OLFML2B: variants seen among roughly 807,000 people sequenced by gnomAD.
OLFML2B encodes olfactomedin like 2B, also known as olfactomedin-like protein 2B.
A neutral mutation model predicts 74.9 loss-of-function variants in OLFML2B; 57 were observed. The observed-to-expected ratio is 0.76, with a 90% CI of 0.61 to 0.95. The LOEUF is 0.95. Ranked by LOEUF, OLFML2B falls within the 40% of genes least tolerant of loss-of-function variation. OLFML2B has a pLI of 0.00. For synonymous variants in OLFML2B, 388 were observed against 405.8 expected (o/e 0.96, Z 0.53); for missense variants, 986 against 970.6 (o/e 1.02, Z -0.21).
intron 4 of OLFML2B, among the ~76,000 whole-genome samples, chr1:162,002,824 C>T (rs1474661552): frequency 1.3e-5 from 2 of 152,218 alleles, no homozygotes; most frequent in Non-Finnish European, 1.5e-5. Flanking sequence ...CCCTCAATTC[C>T]CTGTTCTTGC....
At chr1:162,010,051 G>A (rs6674320) in intron 3 of OLFML2B, among the ~76,000 whole-genome samples, 86,773 of 152,174 alleles carry the variant, frequency 0.57, 29,676 homozygotes, top group Non-Finnish European at 0.75. Flanking sequence ...GGTGGGAATC[G>A]TGCCTATCTG....
chr1:162,008,780 G>A (rs1464278247), intron 3 of OLFML2B, among the ~76,000 whole-genome samples: 3 of 152,160 alleles, frequency 2.0e-5, no homozygotes, highest in African/African-American at 7.2e-5. Flanking sequence ...GAGAAGCACC[G>A]CCCTAAGTGG....
intron 4 of OLFML2B, among the ~76,000 whole-genome samples, chr1:162,004,886 G>A (rs913684748): frequency 2.0e-5 from 3 of 152,204 alleles, no homozygotes; most frequent in Admixed American, 6.5e-5. Flanking sequence ...CACTCCCTGG[G>A]CACCAGTGTG....
chr1:162,022,260 T>TTTTTTTTTGTTTTTTTC (rs1690730598), intron 1 of OLFML2B, among the ~76,000 whole-genome samples: 1 of 127,826 alleles, frequency 7.8e-6, no homozygotes, highest in Non-Finnish European at 1.7e-5. Context: ...TTTTTTTTTT[T>TTTTTTTTTGTTTTTTTC]TTTTTTTTGA....
Position 162,006,468 on chromosome 1 carries a change from CACTT to C in OLFML2B, c.548_551del (p.Glu183GlyfsTer23). 6.6e-7 allele frequency: 1 copy of C among 1,520,698 alleles called. No individual in the cohort carries two copies. Among genetic ancestry groups the C allele is most frequent in the Non-Finnish European group, 8.7e-7 (1 of 1,143,044 alleles). 94.2% of individuals were successfully genotyped at this position (1,520,698 alleles called of 1,614,324 possible). On this transcript the variant is annotated frameshift_variant and splice_region_variant, in exon 4 of 8. Coordinates refer to ENST00000294794, the MANE Select transcript of OLFML2B (RefSeq NM_015441.3). LOFTEE classifies it high-confidence loss of function. Reference sequence around the variant, plus strand: ...CATTTTCCTTGGTGAGGTTTTTAGACACTTCCTGAGAAGGAAAAAAAAAAGATGA... The same window carrying C: ...CATTTTCCTTGGTGAGGTTTTTAGACCCTGAGAAGGAAAAAAAAAAGATGA...
intron 5 of OLFML2B, 135 bp downstream of exon 5, chr1:161,999,978 T>A (rs991873817): frequency 1.4e-6 from 1 of 704,124 alleles, no homozygotes; most frequent in African/African-American, 1.8e-5. Context: ...GAGCTCTGGA[T>A]AACAGGGCCA....
chr1:161,995,056 G>C (rs779687597), intron 6 of OLFML2B, among the ~76,000 whole-genome samples: 3 of 152,100 alleles, frequency 2.0e-5, no homozygotes, highest in African/African-American at 7.3e-5. Context: ...ATCACATCAC[G>C]GTCTTTCTTG....
rs141316615 is a variant in OLFML2B at position 161,997,836 on chromosome 1, C to T, written c.1463G>A (p.Arg488Gln). ...TLSPEEEDDIRNVIGRCKDTL... is the reference protein window; with the variant it reads ...TLSPEEEDDIQNVIGRCKDTL... ...TACAATGAACTTACCTATGACATTC[C>T]GGATGTCATCTTCTTCTTCGGGGCT... Residue 488 changes from arginine (R) to glutamine (Q), a missense_variant, in exon 6 of 8, where the codon CGG becomes CAG. Coordinates refer to ENST00000294794, the MANE Select transcript of OLFML2B (RefSeq NM_015441.3). The T allele has an allele frequency of 4.1e-5, 66 of 1,612,318 alleles. No individual in the cohort carries two copies. In the Admixed American group the frequency reaches 4.5e-4, roughly 11 times the overall value.
At chr1:161,999,600 G>A (rs1434625098) in intron 5 of OLFML2B, among the ~76,000 whole-genome samples, 1 of 152,106 alleles carries the variant, frequency 6.6e-6, no homozygotes, top group Non-Finnish European at 1.5e-5. Flanking sequence ...AGGAGGAGGA[G>A]GCGAGGAGGA....
intron 4 of OLFML2B, among the ~76,000 whole-genome samples, chr1:162,002,410 A>T (rs1201893367): frequency 6.6e-6 from 1 of 152,130 alleles, no homozygotes; most frequent in Non-Finnish European, 1.5e-5. Context: ...TGGAAACAAA[A>T]CCTGTGTTCC....
chr1:162,018,228 C>T (rs971265101), intron 2 of OLFML2B, among the ~76,000 whole-genome samples: 3 of 152,098 alleles, frequency 2.0e-5, no homozygotes, highest in Admixed American at 6.6e-5. Flanking sequence ...CAACAAACTC[C>T]CATGACGTGA....
chr1:161,983,810 T>C lies in OLFML2B; in HGVS notation c.2118A>G (p.Thr706=), dbSNP rs1446345311. The C allele has an allele frequency of 1.9e-6, 3 of 1,613,912 alleles. No homozygotes were observed. In the African/African-American group the frequency reaches 4.0e-5, roughly 22 times the overall value. ...ISYAFDTHTN[T]QIVPRLLFEN... ...CGAACAGCAGCCTGGGGACGATCTG[T>C]GTGTTGGTGTGGGTGTCGAAAGCGT... The change falls in exon 8 of 8, where the codon ACA becomes ACG. Residue 706 remains threonine, a synonymous_variant. Coordinates refer to ENST00000294794, the MANE Select transcript of OLFML2B (RefSeq NM_015441.3).
chr1:161,987,391 C>T (rs929014014), intron 6 of OLFML2B, among the ~76,000 whole-genome samples: 2 of 151,974 alleles, frequency 1.3e-5, no homozygotes, highest in Admixed American at 1.3e-4. Context: ...TCTGGGTGGT[C>T]CTATTGAATA....
In OLFML2B at chr1:162,005,276, T is replaced by C. The variant is rs188521617; in HGVS notation, c.723+1021A>G. On this transcript the variant is annotated intron_variant, in intron 4 of 7. Coordinates refer to ENST00000294794, the MANE Select transcript of OLFML2B (RefSeq NM_015441.3). ...AGGAGGTCTTTTGGTATCACTCAAATCACATTAGGCAGCAATCCATTCATG... is the reference window on the plus strand; with the variant it reads ...AGGAGGTCTTTTGGTATCACTCAAACCACATTAGGCAGCAATCCATTCATG... Among the ~76,000 whole-genome samples the C allele has an allele frequency of 2.1e-4, 32 of 152,282 alleles. 1 individual carries two copies. The highest frequency in any genetic ancestry group is 7.2e-4 in the Admixed American group (11 of 15,294).
rs185436876 is a variant in OLFML2B, at chr1:161,984,849, C to A, written c.1606G>T (p.Gly536Cys). ...ERIYVTNYYY[G>C]NTLVEFRNLE... ...TTCCGGAACTCTACCAGGGTGTTGC[C>A]GTAGTAATAGTTGGTTACGTAAATC... Residue 536 changes from glycine (G) to cysteine (C), a missense_variant, in exon 7 of 8, where the codon GGC becomes TGC. Coordinates refer to ENST00000294794, the MANE Select transcript of OLFML2B (RefSeq NM_015441.3). 2 of 1,612,650 alleles carry A rather than the reference C, an allele frequency of 1.2e-6. No individual in the cohort carries two copies. Among genetic ancestry groups the A allele is most frequent in the African/African-American group, 1.3e-5 (1 of 74,438 alleles).
In OLFML2B at chr1:161,983,928, C is replaced by T; in HGVS notation, c.2000G>A (p.Gly667Glu). The change falls in exon 8 of 8, where the codon GGG becomes GAG. Residue 667 changes from glycine to glutamate, a missense_variant. Transcript: ENST00000294794. ...STQKETTWRT[G>E]LRRNFYGNCF... Reference sequence around the variant, plus strand: ...GTTGCCGTAGAAATTCCTCCGGAGCCCCGTGCGCCATGTGGTCTCCTTCTG... The same window carrying T: ...GTTGCCGTAGAAATTCCTCCGGAGCTCCGTGCGCCATGTGGTCTCCTTCTG... 3 of 1,614,208 alleles carry T rather than the reference C, an allele frequency of 1.9e-6. No homozygotes were observed. The highest frequency in any genetic ancestry group is 1.6e-4 in the Middle Eastern group (1 of 6,062).
intron 3 of OLFML2B, among the ~76,000 whole-genome samples, chr1:162,013,291 G>T (rs1690444932): frequency 6.6e-6 from 1 of 152,100 alleles, no homozygotes; most frequent in South Asian, 2.1e-4. Context: ...GGTCAGCTGG[G>T]GTCTATGTTG....
intron 6 of OLFML2B, among the ~76,000 whole-genome samples, chr1:161,989,825 G>A (rs1310511602): frequency 8.5e-5 from 13 of 152,180 alleles, no homozygotes; most frequent in Non-Finnish European, 1.2e-4. Context: ...GACCCACTAC[G>A]TGCCTGAGTT....
At chr1:162,003,476 A>G (rs1690134917) in intron 4 of OLFML2B, among the ~76,000 whole-genome samples, 1 of 152,220 alleles carries the variant, frequency 6.6e-6, no homozygotes, top group Non-Finnish European at 1.5e-5. Flanking sequence ...GAGCAAGACC[A>G]TGGACAGCCC....
Sources: allele counts gnomAD v4.1 joint callset (sites outside exome capture counted in the v4.1 genomes callset), GRCh38; gene constraint gnomAD v4.1.1; transcripts MANE v1.5; gene names NCBI Gene and HGNC (gene_info 2026-07-23, HGNC 2026-07-21).